C2CD5: variants seen among roughly 807,000 people sequenced by gnomAD.
C2CD5 encodes the protein C2 domain-containing protein 5.
In C2CD5, 109 loss-of-function variants were observed where a neutral mutation model predicts 130.3. The observed-to-expected ratio is 0.84, with a 90% CI of 0.72 to 0.98. C2CD5 has a LOEUF of 0.98. Ranked by LOEUF, C2CD5 falls within the 50% of genes least tolerant of loss-of-function variation. The probability of loss-of-function intolerance (pLI) is 0.00; values close to 1 mark genes in which losing one functional copy is unlikely to be tolerated. For missense variants in C2CD5, 996 were observed against 1,261.8 expected, an observed-to-expected ratio of 0.79 and a Z score of 3.19; for synonymous variants, 454 against 429.2, an observed-to-expected ratio of 1.06 and a Z score of -0.71.
Position 22,519,286 on chromosome 12 carries a change from C to G in C2CD5, c.801-1149G>C, listed in dbSNP as rs550193152. On this transcript the variant is annotated intron_variant, in intron 7 of 26. Coordinates refer to ENST00000446597, the MANE Select transcript of C2CD5 (RefSeq NM_001286176.2). ...GTGGAAGAAAAGAAAACAATACATA[C>G]AACAGATTGCAGAGTTATGTTAAAA... 377 of 1,480,280 alleles carry G rather than the reference C, an allele frequency of 2.5e-4. 3 individuals carry two copies. In the South Asian group the frequency reaches 3.6e-3, roughly 14 times the overall value. 91.7% of individuals were successfully genotyped at this position (1,480,280 alleles called of 1,614,324 possible). A position where few individuals can be genotyped will look rare whatever the true frequency, so the allele number is the denominator to read the frequency against.
chr12:22,478,797 G>C (rs369638027), intron 14 of C2CD5, among the ~76,000 whole-genome samples: 31 of 151,916 alleles, frequency 2.0e-4, no homozygotes, highest in Admixed American at 6.6e-4. Context: ...AGTGAGTCAG[G>C]ATCATGCCTC....
At chr12:22,507,338 G>A (rs944497480) in intron 9 of C2CD5, among the ~76,000 whole-genome samples, 1 of 152,174 alleles carries the variant, frequency 6.6e-6, no homozygotes, top group African/African-American at 2.4e-5. Flanking sequence ...GAGGATAGTG[G>A]CAAATATCAA....
intron 12 of C2CD5, among the ~76,000 whole-genome samples, chr12:22,486,575 G>T (rs1945553867): frequency 6.6e-6 from 1 of 152,014 alleles, no homozygotes; most frequent in Non-Finnish European, 1.5e-5. Context: ...TGTGCATTTA[G>T]GTTATTTTAT....
chr12:22,515,262 T>C (rs949902470), intron 8 of C2CD5: 2 of 256,914 alleles, frequency 7.8e-6, no homozygotes, highest in African/African-American at 2.3e-5. Context: ...AACTTTAAAA[T>C]GTACAGACAA....
At chr12:22,508,077 G>T (rs1397860449) in intron 9 of C2CD5, among the ~76,000 whole-genome samples, 1 of 152,140 alleles carries the variant, frequency 6.6e-6, no homozygotes, top group African/African-American at 2.4e-5. Context: ...GCTGCTTCAA[G>T]CATGGAGAAT....
chr12:22,456,942 A>T lies in C2CD5; in HGVS notation c.2877+29T>A, dbSNP rs761015923. The T allele has an allele frequency of 1.1e-5, 16 of 1,428,398 alleles. No individual in the cohort carries two copies. The South Asian group carries it at 1.4e-4, about 12-fold the overall frequency. The allele number at this position is 1,428,398 out of a possible 1,614,324, so 88.5% of individuals were successfully genotyped here. On this transcript the variant is annotated intron_variant, in intron 25 of 26. Coordinates refer to ENST00000446597, the MANE Select transcript of C2CD5 (RefSeq NM_001286176.2). ...ACTAAATCTTCAGAGAAAATTTTTTAAAAAATGAAATAACTTCTATAAAAT... is the reference window on the plus strand; with the variant it reads ...ACTAAATCTTCAGAGAAAATTTTTTTAAAAATGAAATAACTTCTATAAAAT...
At chr12:22,496,904 C>T (rs1448089913) in intron 10 of C2CD5, among the ~76,000 whole-genome samples, 2 of 151,944 alleles carry the variant, frequency 1.3e-5, no homozygotes, top group African/African-American at 4.8e-5. Context: ...ATTTTTACTA[C>T]GTTACATTCC....
chr12:22,459,592 G>T, intron 22 of C2CD5, 50 bp from the exon 23 acceptor site: 1 of 1,134,286 alleles, frequency 8.8e-7, no homozygotes, highest in Non-Finnish European at 1.3e-6. Context: ...GTACAAGCCA[G>T]TACCTCTTCT....
rs1380782436 is a variant in C2CD5, at chr12:22,480,820, A to T, written c.1737+1737T>A. Among the ~76,000 whole-genome samples the T allele has an allele frequency of 9.3e-4, 137 of 147,518 alleles. 2 individuals are homozygous for T. The East Asian group carries it at 0.023, about 25-fold the overall frequency. ...TAAAAGAAATTTTTTTTTTTTTTTTAAAGACAGGGTCTCTCGCTCTGTCAG... is the reference window on the plus strand; with the variant it reads ...TAAAAGAAATTTTTTTTTTTTTTTTTAAGACAGGGTCTCTCGCTCTGTCAG... On this transcript the variant is annotated intron_variant, in intron 14 of 26. Transcript: ENST00000446597.
intron 9 of C2CD5, among the ~76,000 whole-genome samples, chr12:22,511,109 T>C (rs1051182803): frequency 6.6e-6 from 1 of 151,856 alleles, no homozygotes; most frequent in Non-Finnish European, 1.5e-5. Context: ...ACTTTCAATT[T>C]TGACAACTAC....
chr12:22,528,235 CA>C (rs1471381514), intron 3 of C2CD5, among the ~76,000 whole-genome samples: 1 of 152,068 alleles, frequency 6.6e-6, no homozygotes. Flanking sequence ...TATTAGAGTT[CA>C]TGTAGTATCT....
At chr12:22,499,604 A>G (rs1947490098) in intron 10 of C2CD5, among the ~76,000 whole-genome samples, 1 of 152,294 alleles carries the variant, frequency 6.6e-6, no homozygotes, top group Admixed American at 6.5e-5. Context: ...CAGTCTGCTA[A>G]CTGGTCTCCC....
intron 18 of C2CD5, 52 bp downstream of exon 18, chr12:22,472,234 T>C: frequency 1.8e-6 from 2 of 1,098,692 alleles, no homozygotes; most frequent in South Asian, 2.9e-5. Flanking sequence ...AAATGGAACT[T>C]ACTAAAATAA....
chr12:22,472,091 C>A, intron 18 of C2CD5, 26 bp from the exon 19 acceptor site: 2 of 1,281,718 alleles, frequency 1.6e-6, no homozygotes, highest in South Asian at 2.5e-5. Context: ...CATAACATGT[C>A]ATTTTATTAT....
intron 10 of C2CD5, among the ~76,000 whole-genome samples, chr12:22,498,751 A>G (rs1947366125): frequency 1.3e-5 from 2 of 152,224 alleles, no homozygotes; most frequent in South Asian, 4.1e-4. Context: ...AAATTTTCTC[A>G]AAAACCAACA....
intron 22 of C2CD5, 55 bp downstream of exon 22, chr12:22,469,654 G>A: frequency 9.5e-7 from 1 of 1,048,736 alleles, no homozygotes; most frequent in Non-Finnish European, 1.4e-6. Flanking sequence ...TGAAGAAGCA[G>A]TGAAAGGAAC....
At chr12:22,458,616 A>G (rs868711039) in intron 23 of C2CD5, 31 bp from the exon 24 acceptor site, 12 of 1,019,736 alleles carry the variant, frequency 1.2e-5, no homozygotes, top group Middle Eastern at 2.3e-4. Flanking sequence ...CAAAAGAAAA[A>G]AACAAAGAAA....
chr12:22,506,860 T>C (rs1200811115), intron 9 of C2CD5, 41 bp from the exon 10 acceptor site: 7 of 1,242,138 alleles, frequency 5.6e-6, no homozygotes, highest in Non-Finnish European at 8.3e-6. Flanking sequence ...TTATCGTGTG[T>C]AGAGTGTAAA....
At chr12:22,513,095 A>C (rs1438429732) in intron 9 of C2CD5, among the ~76,000 whole-genome samples, 199 bp downstream of exon 9, 1 of 152,120 alleles carries the variant, frequency 6.6e-6, no homozygotes, top group Non-Finnish European at 1.5e-5. Context: ...AAAAATTATT[A>C]TTACGTAATT....
Sources: allele counts gnomAD v4.1 joint callset (sites outside exome capture counted in the v4.1 genomes callset), GRCh38; gene constraint gnomAD v4.1.1; transcripts MANE v1.5; gene names NCBI Gene and HGNC (gene_info 2026-07-23, HGNC 2026-07-21).